IL10RB: variants seen among roughly 807,000 people sequenced by gnomAD.
IL10RB encodes the protein interleukin 10 receptor subunit beta.
IL10RB carries 30 observed loss-of-function variants against 38.7 expected under a neutral mutation model. The ratio of observed to expected loss-of-function variants is 0.78; its 90% CI spans 0.58 to 1.05. IL10RB has a LOEUF of 1.05. IL10RB is among the 50% of genes least tolerant of loss of function. IL10RB has a pLI of 0.00. For synonymous variants in IL10RB, 142 were observed against 145.9 expected (o/e 0.97, Z 0.19); for missense variants, 328 against 397.1 (o/e 0.83, Z 1.48).
At chr21:33,288,400 CA>C in intron 6 of IL10RB, 139 bp downstream of exon 6, 1 of 678,610 alleles carries the variant, frequency 1.5e-6, no homozygotes, top group East Asian at 2.8e-5. Context: ...CACACACACA[CA>C]CACAGACACG....
At chr21:33,292,633 G>T (rs1036236578) in intron 6 of IL10RB, among the ~76,000 whole-genome samples, 4 of 152,076 alleles carry the variant, frequency 2.6e-5, no homozygotes, top group African/African-American at 9.7e-5. Flanking sequence ...ACCCCATAGC[G>T]TCCCAGGAGC....
chr21:33,306,498 G>T (rs1471742558), intron 1 of IL10RB, among the ~76,000 whole-genome samples: 2 of 152,090 alleles, frequency 1.3e-5, no homozygotes, highest in African/African-American at 4.8e-5. Context: ...ACCCTAGTTT[G>T]TAAAATTCTA....
intron 1 of IL10RB, among the ~76,000 whole-genome samples, chr21:33,303,744 C>T (rs2123614116): frequency 6.6e-6 from 1 of 152,286 alleles, no homozygotes; most frequent in South Asian, 2.1e-4. Context: ...GGCCTGATGT[C>T]CCTGGAAAGG....
At chr21:33,273,564 A>G (rs982708380) in intron 2 of IL10RB, among the ~76,000 whole-genome samples, 4 of 152,184 alleles carry the variant, frequency 2.6e-5, no homozygotes, top group African/African-American at 7.2e-5. Context: ...GACTGTGACA[A>G]TTTCTTGAAA....
At chr21:33,300,969 ACT>A (rs1209428903), downstream of IL10RB, among the ~76,000 whole-genome samples, 1 of 152,074 alleles carries the variant, frequency 6.6e-6, no homozygotes, top group South Asian at 2.1e-4. Flanking sequence ...GCACGGAAAG[ACT>A]CTGTTGTTTT....
chr21:33,278,046 C>CAAAAAAAAAAAAAAAAAAAAAACAA, intron 3 of IL10RB, among the ~76,000 whole-genome samples: 1 of 118,910 alleles, frequency 8.4e-6, no homozygotes, highest in East Asian at 2.4e-4. Context: ...AAAAAAATAC[C>CAAAAAAAAAAAAAAAAAAAAAACAA]AAAAAAAAAA....
At chr21:33,295,550 T>A (rs2123604976) in intron 6 of IL10RB, among the ~76,000 whole-genome samples, 2 of 149,310 alleles carry the variant, frequency 1.3e-5, no homozygotes, top group East Asian at 4.0e-4. Context: ...CGGGCACCTG[T>A]AGTCCCAGCT....
At chr21:33,267,495 T>G (rs1056507128) in intron 1 of IL10RB, among the ~76,000 whole-genome samples, 1 of 142,676 alleles carries the variant, frequency 7.0e-6, no homozygotes, top group African/African-American at 2.6e-5. Context: ...TTTTTTTTTG[T>G]TTGTTTGTTT....
At chr21:33,281,125 T>C (rs1396128718) in intron 4 of IL10RB, among the ~76,000 whole-genome samples, 1 of 152,224 alleles carries the variant, frequency 6.6e-6, no homozygotes, top group East Asian at 1.9e-4. Flanking sequence ...TGCTCTTTTC[T>C]AAGGTCACCA....
chr21:33,277,720 G>T (rs1271989891), intron 3 of IL10RB, among the ~76,000 whole-genome samples: 1 of 128,002 alleles, frequency 7.8e-6, no homozygotes, highest in Non-Finnish European at 1.6e-5. Flanking sequence ...CACCCAGGCT[G>T]AAGTGCAGTG....
At chr21:33,269,641 A>T (rs1306025119) in intron 2 of IL10RB, among the ~76,000 whole-genome samples, 1 of 151,498 alleles carries the variant, frequency 6.6e-6, no homozygotes, top group East Asian at 1.9e-4. Flanking sequence ...GCCTACAATC[A>T]GATTCACCAA....
At chr21:33,285,550 G>A (rs985243853) in intron 5 of IL10RB, among the ~76,000 whole-genome samples, 31 of 152,226 alleles carry the variant, frequency 2.0e-4, no homozygotes, top group African/African-American at 7.0e-4. Flanking sequence ...CTCCATCTGG[G>A]GTGAGTAACA....
chr21:33,272,437 A>T (rs936861875), intron 2 of IL10RB, among the ~76,000 whole-genome samples: 7 of 151,960 alleles, frequency 4.6e-5, no homozygotes, highest in Admixed American at 3.3e-4. Flanking sequence ...TATTTTATAA[A>T]TTTTTAAATT....
rs529634707 is a variant in IL10RB, at chr21:33,269,651, AT to A, written c.173+1157del. Among the ~76,000 whole-genome samples, 686 of 137,314 alleles carry A rather than the reference AT, an allele frequency of 5.0e-3. 3 individuals carry two copies. Among genetic ancestry groups the A allele is most frequent in the Middle Eastern group, 0.02 (5 of 252 alleles). 90.1% of individuals were successfully genotyped at this position (137,314 alleles called of 152,430 possible). A position where few individuals can be genotyped will look rare whatever the true frequency, so the allele number is the denominator to read the frequency against. ...AAATAGCCTACAATCAGATTCACCA[AT>A]TTTTTTTTTTTTTTTTTTTTTTATG... On this transcript the variant is annotated intron_variant, in intron 2 of 6. Transcript: ENST00000290200.
intron 5 of IL10RB, among the ~76,000 whole-genome samples, chr21:33,284,713 G>A (rs573072028): frequency 6.6e-5 from 10 of 152,088 alleles, no homozygotes; most frequent in Non-Finnish European, 1.3e-4. Context: ...GTGACTTCCT[G>A]AGAGACCTGG....
intron 5 of IL10RB, 77 bp downstream of exon 5, chr21:33,283,318 A>C: frequency 7.1e-7 from 1 of 1,417,130 alleles, no homozygotes; most frequent in Admixed American, 1.7e-5. Context: ...ATTGCATCCA[A>C]CTCAAATTCC....
intron 5 of IL10RB, among the ~76,000 whole-genome samples, chr21:33,286,896 A>G (rs1989384156): frequency 6.6e-6 from 1 of 152,126 alleles, no homozygotes; most frequent in Non-Finnish European, 1.5e-5. Flanking sequence ...GTAGAAAGAA[A>G]GAATGCGTGG....
At chr21:33,293,420 G>A (rs186936298) in intron 6 of IL10RB, among the ~76,000 whole-genome samples, 9 of 152,282 alleles carry the variant, frequency 5.9e-5, no homozygotes, top group Non-Finnish European at 1.2e-4. Flanking sequence ...GGGAACAAGC[G>A]CCTCCTCCAC....
At chr21:33,302,755 G>T (rs1186232116) in intron 1 of IL10RB, among the ~76,000 whole-genome samples, 2 of 152,192 alleles carry the variant, frequency 1.3e-5, no homozygotes, top group Non-Finnish European at 2.9e-5. Context: ...AGAAAGTCGA[G>T]GGGGGGATAT....
Sources: allele counts gnomAD v4.1 joint callset (sites outside exome capture counted in the v4.1 genomes callset), GRCh38; gene constraint gnomAD v4.1.1; transcripts MANE v1.5; gene names NCBI Gene and HGNC (gene_info 2026-07-23, HGNC 2026-07-21).